The following L3MBTL3 variants were observed in gnomAD, a reference collection of about 807,000 sequenced individuals.
L3MBTL3 encodes the protein L3MBTL histone methyl-lysine binding protein 3.
In L3MBTL3, 27 loss-of-function variants were observed where a neutral mutation model predicts 102.3. The ratio of observed to expected loss-of-function variants is 0.26; its 90% CI spans 0.19 to 0.36. L3MBTL3 has a LOEUF of 0.36. Among genes scored for constraint, L3MBTL3 ranks in the 10% least tolerant of loss-of-function variants. The pLI is 1.00. For missense variants in L3MBTL3, 798 were observed against 955.3 expected, an observed-to-expected ratio of 0.84 and a Z score of 2.17; for synonymous variants, 340 against 320.9, an observed-to-expected ratio of 1.06 and a Z score of -0.64.
chr6:130,129,480 A>G (rs1264337263), intron 20 of L3MBTL3, among the ~76,000 whole-genome samples: 3 of 152,202 alleles, frequency 2.0e-5, no homozygotes, highest in Non-Finnish European at 2.9e-5. Context: ...TGTTGAATCA[A>G]GAATCAGGAA....
At position 130,051,373 on chromosome 6, in the gene L3MBTL3, T is replaced by C; in HGVS notation, c.414T>C (p.Tyr138=). ...NVDECLSGGN[Y]CSQNCARHIK... ...ATGAGTGTCTTTCTGGAGGAAACTATTGCAGCCAGAATTGTGCTCGGCACA... is the reference window on the plus strand; with the variant it reads ...ATGAGTGTCTTTCTGGAGGAAACTACTGCAGCCAGAATTGTGCTCGGCACA... Residue 138 remains tyrosine, a synonymous_variant, in exon 6 of 23, where the codon TAT becomes TAC. Coordinates refer to ENST00000361794, the MANE Select transcript of L3MBTL3 (RefSeq NM_032438.4). 1.9e-6 allele frequency: 3 copies of C among 1,614,132 alleles called. No individual in the cohort carries two copies. Among genetic ancestry groups the C allele is most frequent in the Middle Eastern group, 1.6e-4 (1 of 6,062 alleles).
Position 130,052,982 on chromosome 6 carries a change from T to G in L3MBTL3, c.573T>G (p.Asp191Glu), listed in dbSNP as rs377679555. The G allele has an allele frequency of 1.4e-5, 22 of 1,613,000 alleles. No individual in the cohort carries two copies. The African/African-American group carries it at 2.9e-4, about 22-fold the overall frequency. Reference protein sequence around the residue: ...ADTKEDGEERDDEMENKQDVR... With the variant: ...ADTKEDGEEREDEMENKQDVR... ...CCAAGGAGGATGGAGAAGAGAGAGA[T>G]GATGAAATGGTGAGTGCCTCTGCCT... is the stretch of plus-strand genomic sequence containing the variant. Residue 191 changes from aspartate (D) to glutamate (E), a missense_variant, in exon 7 of 23, where the codon GAT (aspartate) becomes GAG (glutamate). Transcript: ENST00000361794.
At chr6:130,109,159 G>A (rs1582588628) in intron 19 of L3MBTL3, among the ~76,000 whole-genome samples, 3 of 152,262 alleles carry the variant, frequency 2.0e-5, no homozygotes, top group Admixed American at 2.0e-4. Context: ...TAGTGCTGCA[G>A]TAAACATATG....
At chr6:130,082,702 A>G (rs1332822035) in intron 14 of L3MBTL3, among the ~76,000 whole-genome samples, 1 of 152,198 alleles carries the variant, frequency 6.6e-6, no homozygotes, top group Non-Finnish European at 1.5e-5. Context: ...TGATATTTAG[A>G]AACTAAGATC....
At chr6:130,069,626 C>T (rs928106458) in intron 12 of L3MBTL3, among the ~76,000 whole-genome samples, 11 of 152,136 alleles carry the variant, frequency 7.2e-5, no homozygotes, top group African/African-American at 1.2e-4. Context: ...AAAACTTATC[C>T]CAGGGAGGAA....
At position 130,078,640 on chromosome 6, in the gene L3MBTL3, T is replaced by C. The variant is rs755683115; in HGVS notation, c.1321+6T>C. On this transcript the variant is annotated splice_donor_region_variant and intron_variant, in intron 14 of 22. Coordinates refer to ENST00000361794, the MANE Select transcript of L3MBTL3 (RefSeq NM_032438.4). The stretch of plus-strand genomic sequence containing the variant: ...AACCCTTATTACTCCACCAGGTGTG[T>C]GTTTTTTTAATGTGGCTAATACTAT... The C allele has an allele frequency of 1.3e-6, 2 of 1,583,482 alleles. No individual in the cohort carries two copies. Among genetic ancestry groups the C allele is most frequent in the East Asian group, 2.2e-5 (1 of 44,652 alleles).
At chr6:130,073,001 C>G (rs1584375315) in intron 13 of L3MBTL3, among the ~76,000 whole-genome samples, 1 of 152,146 alleles carries the variant, frequency 6.6e-6, no homozygotes, top group African/African-American at 2.4e-5. Context: ...TTGAGTCTCA[C>G]AGTTTGATTT....
intron 15 of L3MBTL3, among the ~76,000 whole-genome samples, chr6:130,084,353 A>G (rs1459635933): frequency 6.6e-6 from 1 of 152,168 alleles, no homozygotes; most frequent in Non-Finnish European, 1.5e-5. Flanking sequence ...AGAAAAATAT[A>G]TCAAATATTT....
chr6:130,139,860 A>G lies in L3MBTL3; in HGVS notation c.*107A>G. 2.1e-6 allele frequency: 2 copies of G among 935,384 alleles called. No homozygotes were observed. Among genetic ancestry groups the G allele is most frequent in the South Asian group, 1.5e-5 (1 of 67,918 alleles). 57.9% of individuals were successfully genotyped at this position (935,384 alleles called of 1,614,324 possible). On this transcript the variant is annotated 3_prime_UTR_variant, in exon 23 of 23. Transcript: ENST00000361794. ...AAGTGAGAAGTCTCCAAAACTCAAA[A>G]GAGCAACACTATCGGATTATTTATA...
chr6:130,085,428 CCT>C (rs1206215673), intron 15 of L3MBTL3, among the ~76,000 whole-genome samples: 4 of 152,048 alleles, frequency 2.6e-5, no homozygotes, highest in Non-Finnish European at 5.9e-5. Flanking sequence ...TAATATTGTT[CCT>C]CTCTCTATTT....
At position 130,133,611 on chromosome 6, in the gene L3MBTL3, G is replaced by A. The variant is rs1386091313; in HGVS notation, c.2126G>A (p.Ser709Asn). 3.7e-6 allele frequency: 6 copies of A among 1,613,516 alleles called. No homozygotes were observed. The highest frequency in any genetic ancestry group is 1.1e-5 in the South Asian group (1 of 91,082). ...GIPASKVSKW[S>N]TDEVSEFIQS... The stretch of plus-strand genomic sequence containing the variant: ...CCTGCCAGTAAAGTTTCCAAATGGA[G>A]CACAGACGAGGTATATTTTATTTTC... The change falls in exon 21 of 23, where the codon AGC (serine) becomes AAC (asparagine). Residue 709 changes from serine to asparagine, a missense_variant. By Grantham distance (46) the Ser-to-Asn change is conservative. Around this residue, in one of 4 missense-constraint regions of L3MBTL3, gnomAD observed 48 missense variants for 107.0 expected, o/e 0.45. Transcript: ENST00000361794. This position sits in a 1 kb window ranked among gnomAD's most constrained non-coding sequence, Gnocchi z 4.9.
At chr6:130,044,771 A>T (rs1392998552) in intron 3 of L3MBTL3, among the ~76,000 whole-genome samples, 1 of 152,182 alleles carries the variant, frequency 6.6e-6, no homozygotes. Context: ...TATATCACTG[A>T]AGATTTCTAA....
intron 22 of L3MBTL3, chr6:130,137,663 C>T (rs1347520341): frequency 6.6e-6 from 1 of 151,530 alleles, no homozygotes; most frequent in African/African-American, 2.4e-5. Context: ...TACATAGTTT[C>T]AGAAGGAGAC....
Position 130,092,859 on chromosome 6 carries a change from A to T in L3MBTL3, c.1633A>T (p.Ser545Cys). Reference protein sequence around the residue: ...KTGHPLQPPLSPLELMEASEH... With the variant: ...KTGHPLQPPLCPLELMEASEH... Reference sequence around the variant, plus strand: ...AGGACATCCCCTTCAGCCTCCTTTGAGTAAGAGACACGAATAGCTTGTATA... The same window carrying T: ...AGGACATCCCCTTCAGCCTCCTTTGTGTAAGAGACACGAATAGCTTGTATA... Residue 545 changes from serine (S) to cysteine (C), a missense_variant and splice_region_variant, in exon 17 of 23, where the codon AGC (serine) becomes TGC (cysteine). Around this residue, in one of 4 missense-constraint regions of L3MBTL3, gnomAD observed 306 missense variants for 314.4 expected, o/e 0.97. Transcript: ENST00000361794. The T allele has an allele frequency of 6.5e-7, 1 of 1,527,002 alleles. No homozygotes were observed. Among genetic ancestry groups the T allele is most frequent in the Admixed American group, 1.7e-5 (1 of 59,824 alleles). 94.6% of individuals were successfully genotyped at this position (1,527,002 alleles called of 1,614,324 possible). A position where few individuals can be genotyped will look rare whatever the true frequency, so the allele number is the denominator to read the frequency against.
In L3MBTL3 at chr6:130,141,231, T is replaced by C. The variant is rs559194433; in HGVS notation, c.*1478T>C. ...TGTAGGACTTCCTTTGATATCCCTG[T>C]TGGAAGTCCATTAGCAGTCCTTTGC... is the stretch of plus-strand genomic sequence containing the variant. On this transcript the variant is annotated 3_prime_UTR_variant, in exon 23 of 23. Transcript: ENST00000361794. The C allele has an allele frequency of 9.2e-5, 14 of 152,348 alleles. No homozygotes were observed. The highest frequency in any genetic ancestry group is 1.9e-4 in the Non-Finnish European group (13 of 68,028). The allele number at this position is 152,348 out of a possible 1,614,324, so 9.4% of individuals were successfully genotyped here.
At chr6:130,096,796 A>G (rs1333697625) in intron 18 of L3MBTL3, among the ~76,000 whole-genome samples, 2 of 152,228 alleles carry the variant, frequency 1.3e-5, no homozygotes. Flanking sequence ...GGAAGACTTT[A>G]TAGAGGAATG....
At chr6:130,128,681 G>A (rs181091872) in intron 20 of L3MBTL3, among the ~76,000 whole-genome samples, 16 of 152,268 alleles carry the variant, frequency 1.1e-4, no homozygotes, top group East Asian at 3.9e-4. Context: ...GATTGTTAGC[G>A]TTCGTGCTTC....
intron 22 of L3MBTL3, among the ~76,000 whole-genome samples, chr6:130,138,786 A>G (rs750023139): frequency 6.6e-6 from 1 of 151,902 alleles, no homozygotes; most frequent in Non-Finnish European, 1.5e-5. Flanking sequence ...TTTTAAGGTG[A>G]TAGAAGAGCT....
chr6:130,063,074 A>G (rs1782015410), intron 10 of L3MBTL3, among the ~76,000 whole-genome samples: 1 of 148,670 alleles, frequency 6.7e-6, no homozygotes. Flanking sequence ...AGAAGCCACT[A>G]GGGAGTAGAG....
Sources: allele counts gnomAD v4.1 joint callset (sites outside exome capture counted in the v4.1 genomes callset), GRCh38; gene constraint gnomAD v4.1.1; regional missense constraint gnomAD v4.1.1; non-coding constraint Gnocchi (gnomAD v3.1); transcripts MANE v1.5; gene names NCBI Gene and HGNC (gene_info 2026-07-23, HGNC 2026-07-21).